The following KCNV1 variants were observed in gnomAD, a reference collection of about 807,000 sequenced individuals.
KCNV1 encodes potassium voltage-gated channel modifier subfamily V member 1.
A neutral mutation model predicts 36.4 loss-of-function variants in KCNV1; 2 were observed. The ratio of observed to expected loss-of-function variants is 0.05; its 90% CI spans 0.02 to 0.17. The LOEUF (loss-of-function observed/expected upper bound fraction) is 0.17. KCNV1 is among the 10% of genes least tolerant of loss of function. The pLI, the probability that KCNV1 is intolerant of heterozygous loss-of-function variation, is 1.00. For missense variants in KCNV1, 321 were observed against 643.6 expected (o/e 0.50, Z 5.42); for synonymous variants, 280 against 261.1 (o/e 1.07, Z -0.70).
chr8:109,967,723 C>T lies in KCNV1; in HGVS notation c.*365G>A. The T allele has an allele frequency of 5.6e-6, 1 of 179,534 alleles. No individual in the cohort carries two copies. Among genetic ancestry groups the T allele is most frequent in the Non-Finnish European group, 1.2e-5 (1 of 84,324 alleles). 11.1% of individuals were successfully genotyped at this position (179,534 alleles called of 1,614,324 possible). ...TCTTTCTCTGGGCTATGCAGTTTAC[C>T]TTCCATTTTTAAAAAATTAGTGGTG... On this transcript the variant is annotated 3_prime_UTR_variant, in exon 4 of 4. Transcript: ENST00000524391.
intron 3 of KCNV1, among the ~76,000 whole-genome samples, chr8:109,970,663 T>C (rs1185031090): frequency 6.6e-6 from 1 of 152,180 alleles, no homozygotes; most frequent in African/African-American, 2.4e-5. Context: ...TGAGGCAAAA[T>C]TGTCAAATAT....
At position 109,965,203 on chromosome 8, in the gene KCNV1, C is replaced by G. The variant is rs536403279; in HGVS notation, c.*2885G>C. 1.3e-5 allele frequency: 2 copies of G among 152,186 alleles called. No individual in the cohort carries two copies. The highest frequency in any genetic ancestry group is 3.9e-4 in the East Asian group (2 of 5,166). The allele number at this position is 152,186 out of a possible 1,614,324, so 9.4% of individuals were successfully genotyped here. On this transcript the variant is annotated 3_prime_UTR_variant, in exon 4 of 4. Coordinates refer to ENST00000524391, the MANE Select transcript of KCNV1 (RefSeq NM_014379.4). ...CAGCCTGGGCGACAGACGGACACTC[C>G]GTCTCAAAAAACCAAACCAAAACAA...
intron 3 of KCNV1, among the ~76,000 whole-genome samples, chr8:109,969,295 C>G (rs10098219): frequency 0.097 from 14,820 of 152,142 alleles, 1,915 homozygotes; most frequent in African/African-American, 0.3. Flanking sequence ...TGAAACCCTA[C>G]TCCTTAATAC....
At position 109,972,077 on chromosome 8, in the gene KCNV1, T is replaced by C. The variant is rs976450474; in HGVS notation, c.991+181A>G. Among the ~76,000 whole-genome samples the C allele has an allele frequency of 5.9e-5, 9 of 152,222 alleles. No individual in the cohort carries two copies. The highest frequency in any genetic ancestry group is 3.3e-4 in the Admixed American group (5 of 15,282). On this transcript the variant is annotated intron_variant, in intron 3 of 3. Transcript: ENST00000524391. The surrounding 1 kb of genome is among the most constrained non-coding windows in gnomAD (Gnocchi z 5.2). ...AGGTATGTGAGAGCTCATTTCTCTA[T>C]ACCTGTGATAGCAACTTCAATGTTT...
chr8:109,974,427 T>C lies in KCNV1; in HGVS notation c.-39A>G. 1.4e-6 allele frequency: 2 copies of C among 1,379,548 alleles called. No homozygotes were observed. Among genetic ancestry groups the C allele is most frequent in the Non-Finnish European group, 1.9e-6 (2 of 1,046,242 alleles). 85.5% of individuals were successfully genotyped at this position (1,379,548 alleles called of 1,614,324 possible). ...GCCGCGGCCTGAGGGCGCCACAAAGTTGGGGACACGCCGGAAGCTTTGGTC... is the reference window on the plus strand; with the variant it reads ...GCCGCGGCCTGAGGGCGCCACAAAGCTGGGGACACGCCGGAAGCTTTGGTC... On this transcript the variant is annotated 5_prime_UTR_variant, in exon 2 of 4. Transcript: ENST00000524391. The surrounding 1 kb of genome is among the most constrained non-coding windows in gnomAD (Gnocchi z 6.2).
At position 109,966,178 on chromosome 8, in the gene KCNV1, A is replaced by G. The variant is rs1254298096; in HGVS notation, c.*1910T>C. On this transcript the variant is annotated 3_prime_UTR_variant, in exon 4 of 4. Transcript: ENST00000524391. ...TTTTGAGGATAAAATGGCATAATAC[A>G]TGATGAATACAGAGCATAGTCCTGG... 6.6e-6 allele frequency: 1 copy of G among 152,228 alleles called. No homozygotes were observed. Among genetic ancestry groups the G allele is most frequent in the Non-Finnish European group, 1.5e-5 (1 of 68,036 alleles). The allele number at this position is 152,228 out of a possible 1,614,324, so 9.4% of individuals were successfully genotyped here.
At position 109,967,487 on chromosome 8, in the gene KCNV1, A is replaced by G. The variant is rs1304500695; in HGVS notation, c.*601T>C. The G allele has an allele frequency of 6.6e-6, 1 of 152,478 alleles. No homozygotes were observed. Among genetic ancestry groups the G allele is most frequent in the Non-Finnish European group, 1.5e-5 (1 of 68,256 alleles). The allele number at this position is 152,478 out of a possible 1,614,324, so 9.4% of individuals were successfully genotyped here. ...GGGATTCCCACCTCTTATAGTAATAATGGGATACAGAGATCAGTTCATTTG... is the reference window on the plus strand; with the variant it reads ...GGGATTCCCACCTCTTATAGTAATAGTGGGATACAGAGATCAGTTCATTTG... On this transcript the variant is annotated 3_prime_UTR_variant, in exon 4 of 4. Transcript: ENST00000524391.
Position 109,972,443 on chromosome 8 carries a change from C to A in KCNV1, c.806G>T (p.Arg269Leu). 1 of 1,614,080 alleles carries A rather than the reference C, an allele frequency of 6.2e-7. No homozygotes were observed. The highest frequency in any genetic ancestry group is 8.5e-7 in the Non-Finnish European group (1 of 1,180,024). ...GATGTTTGGCACCTTTCTTAGGAAG[C>A]GACACCTGTCCCGCACACACAGGAA... The part of the protein sequence containing the change: ...LRFLCVRDRC[R>L]FLRKVPNIID... Residue 269 changes from arginine to leucine, a missense_variant, in exon 3 of 4, where the codon CGC becomes CTC. Arg to Leu is a moderately radical substitution (Grantham distance 102). Coordinates refer to ENST00000524391, the MANE Select transcript of KCNV1 (RefSeq NM_014379.4). This position sits in a 1 kb window ranked among gnomAD's most constrained non-coding sequence, Gnocchi z 5.2.
chr8:109,973,882 T>A, intron 2 of KCNV1, 46 bp downstream of exon 2: 4 of 1,416,692 alleles, frequency 2.8e-6, no homozygotes, highest in Non-Finnish European at 3.8e-6. Context: ...TCTCTTTCTC[T>A]GCCGCGCCCG....
At chr8:109,973,464 T>A (rs1376099519) in intron 2 of KCNV1, among the ~76,000 whole-genome samples, 1 of 152,176 alleles carries the variant, frequency 6.6e-6, no homozygotes, top group African/African-American at 2.4e-5. Context: ...CAAGGTAACC[T>A]CAGAGTTCCA....
In KCNV1 at chr8:109,966,894, C is replaced by T. The variant is rs1478372144; in HGVS notation, c.*1194G>A. On this transcript the variant is annotated 3_prime_UTR_variant, in exon 4 of 4. Transcript: ENST00000524391. ...TTCCTCAAGAACCAATTTTCTTCCCCTTGGGGGCTCTATTATATTGGAAAT... is the reference window on the plus strand; with the variant it reads ...TTCCTCAAGAACCAATTTTCTTCCCTTTGGGGGCTCTATTATATTGGAAAT... 3 of 152,084 alleles carry T rather than the reference C, an allele frequency of 2.0e-5. No homozygotes were observed. Among genetic ancestry groups the T allele is most frequent in the Non-Finnish European group, 4.4e-5 (3 of 67,982 alleles). The allele number at this position is 152,084 out of a possible 1,614,324, so 9.4% of individuals were successfully genotyped here.
At position 109,974,290 on chromosome 8, in the gene KCNV1, C is replaced by T. The variant is rs961500345; in HGVS notation, c.99G>A (p.Glu33=). ...SSVFCSEGEG[E]PLALGDCFTV... ...TGAAGCAGTCCCCGAGCGCCAAGGGCTCCCCTTCACCCTCGCTGCAGAAGA... is the reference window on the plus strand; with the variant it reads ...TGAAGCAGTCCCCGAGCGCCAAGGGTTCCCCTTCACCCTCGCTGCAGAAGA... Residue 33 remains glutamate (E), a synonymous_variant, in exon 2 of 4, where the codon GAG becomes GAA. Transcript: ENST00000524391. This position sits in a 1 kb window ranked among gnomAD's most constrained non-coding sequence, Gnocchi z 6.2. 13 of 1,547,120 alleles carry T rather than the reference C, an allele frequency of 8.4e-6. No homozygotes were observed. In the African/African-American group the frequency reaches 1.4e-4, roughly 16 times the overall value.
intron 3 of KCNV1, among the ~76,000 whole-genome samples, chr8:109,970,896 A>C (rs1463870624): frequency 6.6e-6 from 1 of 152,216 alleles, no homozygotes; most frequent in Non-Finnish European, 1.5e-5. Context: ...TCAGAAAACA[A>C]AGAGTGGTAC....
Position 109,968,661 on chromosome 8 carries a change from CT to C in KCNV1, c.992-63del, listed in dbSNP as rs1819972606. 4 of 1,512,638 alleles carry C rather than the reference CT, an allele frequency of 2.6e-6. No homozygotes were observed. The highest frequency in any genetic ancestry group is 2.7e-6 in the Non-Finnish European group (3 of 1,121,226). 93.7% of individuals were successfully genotyped at this position (1,512,638 alleles called of 1,614,324 possible). On this transcript the variant is annotated intron_variant, in intron 3 of 3. Transcript: ENST00000524391. The surrounding 1 kb of genome is among the most constrained non-coding windows in gnomAD (Gnocchi z 5.3). Reference sequence around the variant, plus strand: ...CTCTTCTCTCTCTTCCTTCCCTCCCCTCCCCTCTCCCTCCTTGCTCTGCCAC... The same window carrying C: ...CTCTTCTCTCTCTTCCTTCCCTCCCCCCCCTCTCCCTCCTTGCTCTGCCAC...
In KCNV1 at chr8:109,971,881, A is replaced by G. The variant is rs993716344; in HGVS notation, c.991+377T>C. ...GAGAAATTGGCTTATGTCCCTATAT[A>G]TCATATATAATTTATGTGTATCTTT... On this transcript the variant is annotated intron_variant, in intron 3 of 3. Transcript: ENST00000524391. Among the ~76,000 whole-genome samples, 9 of 152,270 alleles carry G rather than the reference A, an allele frequency of 5.9e-5. No homozygotes were observed. The East Asian group carries it at 9.7e-4, about 16-fold the overall frequency.
intron 3 of KCNV1, among the ~76,000 whole-genome samples, chr8:109,969,548 A>C (rs914701384): frequency 5.9e-5 from 9 of 152,106 alleles, no homozygotes; most frequent in Non-Finnish European, 1.2e-4. Flanking sequence ...GCCTAAGGGG[A>C]GTAAGAGCCC....
At chr8:109,969,017 T>C (rs1485980672) in intron 3 of KCNV1, among the ~76,000 whole-genome samples, 2 of 152,194 alleles carry the variant, frequency 1.3e-5, no homozygotes, top group Non-Finnish European at 2.9e-5. Context: ...CAATGCATCA[T>C]TTTAGCACTT....
Position 109,964,982 on chromosome 8 carries a change from A to C in KCNV1, c.*3106T>G, listed in dbSNP as rs942324775. On this transcript the variant is annotated 3_prime_UTR_variant, in exon 4 of 4. Coordinates refer to ENST00000524391, the MANE Select transcript of KCNV1 (RefSeq NM_014379.4). ...TAACAAACCCGCACATGTATCCCTG[A>C]ACTTAAAATAACAGTTAAATTAACA... The C allele has an allele frequency of 3.9e-5, 6 of 152,196 alleles. No individual in the cohort carries two copies. The highest frequency in any genetic ancestry group is 3.9e-4 in the Admixed American group (6 of 15,274). The allele number at this position is 152,196 out of a possible 1,614,324, so 9.4% of individuals were successfully genotyped here.
Position 109,972,869 on chromosome 8 carries a change from C to G in KCNV1, c.462-82G>C. ...AGATAATTAAACATGGCAGGGAGGT[C>G]AGACTTTTTCATTCAACAAAATGCA... is the stretch of plus-strand genomic sequence containing the variant. On this transcript the variant is annotated intron_variant, in intron 2 of 3. Coordinates refer to ENST00000524391, the MANE Select transcript of KCNV1 (RefSeq NM_014379.4). The surrounding 1 kb of genome is among the most constrained non-coding windows in gnomAD (Gnocchi z 5.2). 1 of 1,098,488 alleles carries G rather than the reference C, an allele frequency of 9.1e-7. No homozygotes were observed. 68.0% of individuals were successfully genotyped at this position (1,098,488 alleles called of 1,614,324 possible). A position where few individuals can be genotyped will look rare whatever the true frequency, so the allele number is the denominator to read the frequency against.
Sources: gnomAD v4.1 joint callset for allele counts (sites outside exome capture counted in the v4.1 genomes callset) on GRCh38, gnomAD v4.1.1 for gene constraint, Gnocchi (gnomAD v3.1) non-coding constraint, MANE v1.5 for transcripts, NCBI Gene and HGNC (gene_info 2026-07-23, HGNC 2026-07-21) for gene names.